The following ATP2C2 variants were observed in gnomAD, a reference collection of about 807,000 sequenced individuals.
ATP2C2 encodes calcium-transporting ATPase type 2C member 2.
In ATP2C2, 171 loss-of-function variants were observed where a neutral mutation model predicts 110.8. The observed-to-expected ratio is 1.54, with a 90% CI of 1.36 to 1.75. The LOEUF is 1.75. ATP2C2 is among the 40% of genes most tolerant of loss of function. The pLI, the probability that ATP2C2 is intolerant of heterozygous loss-of-function variation, is 0.00. For synonymous variants in ATP2C2, 804 were observed against 508.4 expected (o/e 1.58, Z -7.82); for missense variants, 1,963 against 1,235.0 (o/e 1.59, Z -8.84).
At chr16:84,420,355 C>G (rs1399907452) in intron 7 of ATP2C2, among the ~76,000 whole-genome samples, 2 of 152,146 alleles carry the variant, frequency 1.3e-5, no homozygotes, top group African/African-American at 4.8e-5. Context: ...AGTCCAAACC[C>G]ACACTCACTC....
intron 11 of ATP2C2, among the ~76,000 whole-genome samples, chr16:84,436,398 G>A (rs1162670457): frequency 2.0e-5 from 3 of 152,148 alleles, no homozygotes; most frequent in Admixed American, 6.5e-5. Flanking sequence ...CCGATTTCAC[G>A]TATTTCCTGG....
chr16:84,389,968 C>A (rs758154079), intron 1 of ATP2C2, among the ~76,000 whole-genome samples: 2 of 152,092 alleles, frequency 1.3e-5, no homozygotes, highest in East Asian at 1.9e-4. Flanking sequence ...AATGATCCAC[C>A]CACCTCAGTC....
chr16:84,410,547 C>A (rs759927186), intron 4 of ATP2C2, 21 bp from the exon 5 acceptor site: 2 of 1,613,402 alleles, frequency 1.2e-6, no homozygotes, highest in Non-Finnish European at 1.7e-6. Flanking sequence ...GTACTGACAC[C>A]CTCCTCCGTT....
chr16:84,445,613 T>C (rs770150393), intron 15 of ATP2C2, among the ~76,000 whole-genome samples: 2 of 152,202 alleles, frequency 1.3e-5, no homozygotes, highest in Non-Finnish European at 2.9e-5. Context: ...ATTCAGAGGT[T>C]CCGAGGTTAG....
At position 84,448,673 on chromosome 16, in the gene ATP2C2, G is replaced by T. The variant is rs62640930; in HGVS notation, c.1644G>T (p.Gly548=). The stretch of plus-strand genomic sequence containing the variant: ...GCCTGCAGGAAGAGAAGAGGATGGG[G>T]TCGCTCGGTTTGCGGGGTCAGTGCC... ...SFCLQEEKRM[G]SLGLRVLALA... The change falls in exon 17 of 27, where the codon GGG becomes GGT. Residue 548 remains glycine (G), a synonymous_variant. Coordinates refer to ENST00000262429, the MANE Select transcript of ATP2C2 (RefSeq NM_014861.4). The T allele has an allele frequency of 3.8e-5, 61 of 1,613,054 alleles. 1 individual carries two copies. The highest frequency in any genetic ancestry group is 5.0e-5 in the Non-Finnish European group (59 of 1,179,588).
At chr16:84,444,661 A>G (rs1264875232) in intron 15 of ATP2C2, among the ~76,000 whole-genome samples, 2 of 152,224 alleles carry the variant, frequency 1.3e-5, no homozygotes. Flanking sequence ...GGCAGGAATG[A>G]CACCCATGTG....
chr16:84,412,380 GTGTATA>G lies in ATP2C2; in HGVS notation c.515+1619_515+1624del, dbSNP rs1289757180. 1.0e-4 allele frequency among the ~76,000 whole-genome samples: 11 copies of G among 108,962 alleles called. 1 individual carries two copies. In the East Asian group the frequency reaches 1.8e-3, roughly 18 times the overall value. 71.5% of individuals were successfully genotyped at this position (108,962 alleles called of 152,430 possible). A position where few individuals can be genotyped will look rare whatever the true frequency, so the allele number is the denominator to read the frequency against. On this transcript the variant is annotated intron_variant, in intron 6 of 26. Coordinates refer to ENST00000262429, the MANE Select transcript of ATP2C2 (RefSeq NM_014861.4). ...CGTGTGTGCATGTGTGTGTGCGTGT[GTGTATA>G]TGTGTCTGTGTGTGTCTGTGCATGT...
chr16:84,463,214 TGGGAATTCATCCCAGGGAACATGTC>T (rs1279666079), intron 26 of ATP2C2, among the ~76,000 whole-genome samples: 2,331 of 38,424 alleles, frequency 0.061, 64 homozygotes, highest in African/African-American at 0.16. Context: ...AACATGTCGC[TGGGAATTCATCCCAGGGAACATGTC>T]GGGGTGCACT....
intron 1 of ATP2C2, 70 bp downstream of exon 1, chr16:84,368,784 G>T: frequency 7.8e-7 from 1 of 1,284,406 alleles, no homozygotes; most frequent in East Asian, 3.0e-5. Flanking sequence ...ACCGTCCCCG[G>T]CCCGAGACCC....
chr16:84,461,730 C>A lies in ATP2C2; in HGVS notation c.2498C>A (p.Ala833Glu), dbSNP rs914928080. 3.1e-6 allele frequency: 5 copies of A among 1,614,054 alleles called. No homozygotes were observed. The African/African-American group carries it at 5.3e-5, about 17-fold the overall frequency. The part of the protein sequence containing the change: ...IFWKEMPEDR[A>E]STPRTTTMTF... ...ACCTTCCAGATGCCTGAAGACAGAG[C>A]AAGCACTCCCCGCACCACGACGATG... The change falls in exon 25 of 27, where the codon GCA becomes GAA. Residue 833 changes from alanine to glutamate, a missense_variant. Ala to Glu is a moderately radical substitution (Grantham distance 107, BLOSUM62 -1). Transcript: ENST00000262429.
intron 1 of ATP2C2, among the ~76,000 whole-genome samples, chr16:84,391,970 GT>G (rs145799367): frequency 6.8e-5 from 10 of 146,442 alleles, no homozygotes; most frequent in Admixed American, 1.4e-4. Context: ...TCTGCAAAAG[GT>G]TTTTTTTTTA....
At chr16:84,374,164 G>A (rs902122870) in intron 1 of ATP2C2, among the ~76,000 whole-genome samples, 2 of 152,196 alleles carry the variant, frequency 1.3e-5, no homozygotes, top group African/African-American at 4.8e-5. Flanking sequence ...TACAAAGACT[G>A]GATTCATGTA....
intron 11 of ATP2C2, among the ~76,000 whole-genome samples, chr16:84,431,479 G>A (rs899715464): frequency 7.2e-5 from 11 of 152,120 alleles, no homozygotes; most frequent in African/African-American, 2.7e-4. Context: ...CTGGGCAACA[G>A]AGCAAAACTC....
chr16:84,382,376 A>G (rs1240504465), intron 1 of ATP2C2, among the ~76,000 whole-genome samples: 1 of 152,070 alleles, frequency 6.6e-6, no homozygotes, highest in Non-Finnish European at 1.5e-5. Flanking sequence ...TTCTTTATCC[A>G]GTCTATCACT....
At chr16:84,378,068 A>T (rs933871508) in intron 1 of ATP2C2, among the ~76,000 whole-genome samples, 1 of 152,174 alleles carries the variant, frequency 6.6e-6, no homozygotes, top group Non-Finnish European at 1.5e-5. Context: ...GGGGCCCAAG[A>T]TCTGCGATTC....
rs200504983 is a variant in ATP2C2 at position 84,422,395 on chromosome 16, G to C, written c.630G>C (p.Thr210=). Residue 210 remains threonine, a synonymous_variant, in exon 8 of 27, where the codon ACG becomes ACC. Coordinates refer to ENST00000262429, the MANE Select transcript of ATP2C2 (RefSeq NM_014861.4). ...IPADIRLTEV[T]DLLVDESSFT... ...TTTTCCCCTTGCTCTCCTAGGTCAC[G>C]GACCTCTTGGTGGATGAATCCAGTT... is the stretch of plus-strand genomic sequence containing the variant. 3.1e-6 allele frequency: 5 copies of C among 1,613,846 alleles called. No individual in the cohort carries two copies. In the South Asian group the frequency reaches 5.5e-5, roughly 18 times the overall value.
rs1213340551 is a variant in ATP2C2 at position 84,368,671 on chromosome 16, G to A, written c.56G>A (p.Gly19Asp). The A allele has an allele frequency of 3.2e-6, 5 of 1,561,996 alleles. No homozygotes were observed. The highest frequency in any genetic ancestry group is 1.7e-6 in the Non-Finnish European group (2 of 1,156,488). ...AAGAAACTCGGCTTCTCGGGCGGGGGCCGCCAGTACCAGGCGCTGGAGAAG... is the reference window on the plus strand; with the variant it reads ...AAGAAACTCGGCTTCTCGGGCGGGGACCGCCAGTACCAGGCGCTGGAGAAG... ...FLKKLGFSGG[G>D]RQYQALEKDE... The change falls in exon 1 of 27, where the codon GGC becomes GAC. Residue 19 changes from glycine to aspartate, a missense_variant. Transcript: ENST00000262429.
rs1439048964 is a variant in ATP2C2 at position 84,459,167 on chromosome 16, T to G, written c.2195T>G (p.Phe732Cys). 6.2e-7 allele frequency: 1 copy of G among 1,614,038 alleles called. No individual in the cohort carries two copies. The highest frequency in any genetic ancestry group is 1.3e-5 in the African/African-American group (1 of 74,934). Reference protein sequence around the residue: ...GKGIFYNIKNFVRFQLSTSIS... With the variant: ...GKGIFYNIKNCVRFQLSTSIS... ...GGTATTTTTTACAACATCAAAAACT[T>G]TGTCCGATTCCAGCTGAGCACGTAA... The change falls in exon 22 of 27, where the codon TTT (phenylalanine) becomes TGT (cysteine). Residue 732 changes from phenylalanine (F) to cysteine (C), a missense_variant. Physicochemically the swap from Phe to Cys is radical, Grantham distance 205. Coordinates refer to ENST00000262429, the MANE Select transcript of ATP2C2 (RefSeq NM_014861.4).
At chr16:84,397,320 G>A (rs1354997239) in intron 1 of ATP2C2, among the ~76,000 whole-genome samples, 1 of 151,508 alleles carries the variant, frequency 6.6e-6, no homozygotes, top group Non-Finnish European at 1.5e-5. Flanking sequence ...CATAGAACCA[G>A]GCTGTGATAC....
Sources: gnomAD v4.1 joint callset for allele counts (sites outside exome capture counted in the v4.1 genomes callset) on GRCh38, gnomAD v4.1.1 for gene constraint, MANE v1.5 for transcripts, NCBI Gene and HGNC (gene_info 2026-07-23, HGNC 2026-07-21) for gene names.